Variants in ARMC2 observed in about 807,000 individuals in gnomAD.
The protein encoded by ARMC2 is armadillo repeat-containing protein 2.
A neutral mutation model predicts 90.3 loss-of-function variants in ARMC2; 67 were observed. The ratio of observed to expected loss-of-function variants is 0.74; its 90% CI spans 0.61 to 0.91. ARMC2 has a LOEUF of 0.91. Among genes scored for constraint, ARMC2 ranks in the 40% least tolerant of loss-of-function variants. The pLI is 0.00. For missense variants in ARMC2, 920 were observed against 1,030.9 expected (o/e 0.89, Z 1.47); for synonymous variants, 393 against 393.0 (o/e 1.00, Z 0.00).
At chr6:108,935,691 C>T (rs2128491858) in intron 11 of ARMC2, among the ~76,000 whole-genome samples, 2 of 152,256 alleles carry the variant, frequency 1.3e-5, no homozygotes, top group Admixed American at 1.3e-4. Context: ...GATCCTCCTG[C>T]CTCGGCCTCC....
the ARMC2 span, among the ~76,000 whole-genome samples, chr6:108,986,198 T>C: frequency 6.6e-6 from 1 of 152,226 alleles, no homozygotes; most frequent in African/African-American, 2.4e-5. Context: ...AAAATTCTAT[T>C]GGAACTCTAA....
chr6:108,998,380 T>C, the ARMC2 span: 198 of 980,062 alleles, frequency 2.0e-4, no homozygotes, highest in Non-Finnish European at 2.8e-4. Flanking sequence ...CCCTACTGAA[T>C]GAATAGATAT....
the ARMC2 span, among the ~76,000 whole-genome samples, chr6:109,041,021 C>G: frequency 6.6e-6 from 1 of 151,836 alleles, no homozygotes; most frequent in Admixed American, 6.6e-5. Flanking sequence ...AAATTGCAGG[C>G]CAGGCACAGT....
intron 12 of ARMC2, among the ~76,000 whole-genome samples, chr6:108,941,746 G>A (rs571577673): frequency 5.3e-5 from 8 of 152,152 alleles, no homozygotes; most frequent in Admixed American, 2.6e-4. Flanking sequence ...CCGTGGTATC[G>A]GCCCCCTCAT....
In ARMC2 at chr6:108,876,184, G is replaced by T. The variant is rs113767376; in HGVS notation, c.505G>T (p.Asp169Tyr). 3 of 1,612,126 alleles carry T rather than the reference G, an allele frequency of 1.9e-6. No homozygotes were observed. Among genetic ancestry groups the T allele is most frequent in the East Asian group, 4.5e-5 (2 of 44,804 alleles). ...ATCCAAAGAAACAGTTATGATGGGG[G>T]ACTCTATGGTGAAAATAAATGGGAT... ...VESKETVMMG[D>Y]SMVKINGIYL... The change falls in exon 5 of 18, where the codon GAC becomes TAC. Residue 169 changes from aspartate to tyrosine, a missense_variant. Transcript: ENST00000392644.
At chr6:109,018,334 A>G in the ARMC2 span, among the ~76,000 whole-genome samples, 1 of 152,242 alleles carries the variant, frequency 6.6e-6, no homozygotes, top group Non-Finnish European at 1.5e-5. Flanking sequence ...GTGTGAGCAC[A>G]TTTGAACATT....
chr6:109,010,621 T>C, the ARMC2 span, among the ~76,000 whole-genome samples: 2 of 152,224 alleles, frequency 1.3e-5, no homozygotes, highest in Non-Finnish European at 2.9e-5. Context: ...TAAAGTGGCA[T>C]GTCAAAATGG....
chr6:109,049,254 A>G, the ARMC2 span, among the ~76,000 whole-genome samples: 1 of 152,212 alleles, frequency 6.6e-6, no homozygotes, highest in Admixed American at 6.5e-5. Context: ...TGAATTTATG[A>G]TAAGTAAAAT....
At chr6:108,867,284 C>T (rs556802675) in intron 3 of ARMC2, among the ~76,000 whole-genome samples, 4 of 152,172 alleles carry the variant, frequency 2.6e-5, no homozygotes, top group African/African-American at 9.6e-5. Context: ...GGCATCAGGT[C>T]GGAGGCCACT....
chr6:109,029,513 T>C, the ARMC2 span, among the ~76,000 whole-genome samples: 1 of 152,158 alleles, frequency 6.6e-6, no homozygotes, highest in African/African-American at 2.4e-5. Context: ...GCCACTCCTT[T>C]CCTCCAATAA....
chr6:108,973,783 C>T lies in ARMC2; in HGVS notation c.*269C>T. The T allele has an allele frequency of 3.5e-6, 1 of 285,194 alleles. No homozygotes were observed. The highest frequency in any genetic ancestry group is 6.6e-6 in the Non-Finnish European group (1 of 152,050). The allele number at this position is 285,194 out of a possible 1,614,324, so 17.7% of individuals were successfully genotyped here. A position where few individuals can be genotyped will look rare whatever the true frequency, so the allele number is the denominator to read the frequency against. On this transcript the variant is annotated 3_prime_UTR_variant, in exon 18 of 18. Transcript: ENST00000392644. The stretch of plus-strand genomic sequence containing the variant: ...CAAGTAAATGACTTTTTCTTCTATT[C>T]TCTATTAAACAATTTAGTTCTAGTC...
intron 17 of ARMC2, among the ~76,000 whole-genome samples, chr6:108,969,359 G>A (rs931721766): frequency 6.6e-6 from 1 of 152,152 alleles, no homozygotes; most frequent in Non-Finnish European, 1.5e-5. Flanking sequence ...GATGCTGCAG[G>A]ACACAAACTT....
the ARMC2 span, among the ~76,000 whole-genome samples, chr6:109,043,377 G>T: frequency 2.0e-5 from 3 of 151,940 alleles, no homozygotes; most frequent in African/African-American, 7.2e-5. Flanking sequence ...AAGCCATACA[G>T]ATAAAAAACA....
intron 8 of ARMC2, among the ~76,000 whole-genome samples, chr6:108,905,174 A>G (rs1772551272): frequency 3.3e-5 from 5 of 152,230 alleles, no homozygotes; most frequent in Admixed American, 3.3e-4. Flanking sequence ...CTAACACCCC[A>G]TAATTTACAG....
At chr6:108,999,802 G>A in the ARMC2 span, 4 of 152,044 alleles carry the variant, frequency 2.6e-5, no homozygotes, top group East Asian at 1.9e-4. Context: ...AACTTTTGTC[G>A]ACAAAAAACA....
intron 12 of ARMC2, among the ~76,000 whole-genome samples, chr6:108,940,803 C>T (rs982697451): frequency 2.0e-5 from 3 of 152,178 alleles, no homozygotes; most frequent in Admixed American, 6.5e-5. Flanking sequence ...TCCTTACCCT[C>T]ACTATCTGCC....
the ARMC2 span, among the ~76,000 whole-genome samples, chr6:108,991,411 TTTAAAA>T: frequency 6.6e-6 from 1 of 152,198 alleles, no homozygotes; most frequent in African/African-American, 2.4e-5. Context: ...CTTGGCTACT[TTTAAAA>T]TTATTTGTAG....
At chr6:108,907,548 G>A in intron 8 of ARMC2, 1 of 1,313,882 alleles carries the variant, frequency 7.6e-7, no homozygotes, top group Non-Finnish European at 1.1e-6. Flanking sequence ...TCGAGATTGT[G>A]TTCCTCACAG....
chr6:109,018,486 T>A, the ARMC2 span, among the ~76,000 whole-genome samples: 1 of 152,222 alleles, frequency 6.6e-6, no homozygotes, highest in Non-Finnish European at 1.5e-5. Flanking sequence ...GATATTTTGC[T>A]TTAAAGATGC....
Sources: gnomAD v4.1 joint callset for allele counts (sites outside exome capture counted in the v4.1 genomes callset) on GRCh38, gnomAD v4.1.1 for gene constraint, MANE v1.5 for transcripts, NCBI Gene and HGNC (gene_info 2026-07-23, HGNC 2026-07-21) for gene names.